YME1L1: variants seen among roughly 807,000 people sequenced by gnomAD.
The protein encoded by YME1L1 is YME1 like 1 ATPase.
In YME1L1, 39 loss-of-function variants were observed where a neutral mutation model predicts 90.4. The observed-to-expected ratio is 0.43, with a 90% CI of 0.33 to 0.56. YME1L1 has a LOEUF of 0.56. Among genes scored for constraint, YME1L1 ranks in the 20% least tolerant of loss-of-function variants. YME1L1 has a pLI of 0.03. For synonymous variants in YME1L1, 284 were observed against 287.3 expected, an observed-to-expected ratio of 0.99 and a Z score of 0.12; for missense variants, 617 against 868.4, an observed-to-expected ratio of 0.71 and a Z score of 3.64.
Position 27,111,833 on chromosome 10 carries a change from A to T in YME1L1, c.*144T>A. On this transcript the variant is annotated 3_prime_UTR_variant, in exon 19 of 19. Transcript: ENST00000376016. ...AATGAGAATAACCCAAACTGGATAA[A>T]TGTGACAAATGATTGACAAAGCATT... 9.2e-7 allele frequency: 1 copy of T among 1,092,114 alleles called. No individual in the cohort carries two copies. Among genetic ancestry groups the T allele is most frequent in the Non-Finnish European group, 1.4e-6 (1 of 720,386 alleles). 67.7% of individuals were successfully genotyped at this position (1,092,114 alleles called of 1,614,324 possible). A position where few individuals can be genotyped will look rare whatever the true frequency, so the allele number is the denominator to read the frequency against.
At position 27,111,800 on chromosome 10, in the gene YME1L1, G is replaced by C. The variant is rs2056761226; in HGVS notation, c.*177C>G. On this transcript the variant is annotated 3_prime_UTR_variant, in exon 19 of 19. Coordinates refer to ENST00000376016, the MANE Select transcript of YME1L1 (RefSeq NM_014263.4). ...TGCCATGGGATGCTAATTTGCAATA[G>C]GTGTCATAATGAGAATAACCCAAAC... The C allele has an allele frequency of 1.3e-6, 1 of 779,134 alleles. No individual in the cohort carries two copies. Among genetic ancestry groups the C allele is most frequent in the Non-Finnish European group, 2.2e-6 (1 of 453,474 alleles). 48.3% of individuals were successfully genotyped at this position (779,134 alleles called of 1,614,324 possible). A position where few individuals can be genotyped will look rare whatever the true frequency, so the allele number is the denominator to read the frequency against.
In YME1L1 at chr10:27,111,886, G is replaced by A. The variant is rs747115958; in HGVS notation, c.*91C>T. ...ACACCCTTCAATTACACCACATCAA[G>A]AATGAGGGGAAAGCGTTGTAAAAGT... On this transcript the variant is annotated 3_prime_UTR_variant, in exon 19 of 19. Coordinates refer to ENST00000376016, the MANE Select transcript of YME1L1 (RefSeq NM_014263.4). 2.7e-6 allele frequency: 4 copies of A among 1,476,564 alleles called. No individual in the cohort carries two copies. In the South Asian group the frequency reaches 4.6e-5, roughly 17 times the overall value. The allele number at this position is 1,476,564 out of a possible 1,614,324, so 91.5% of individuals were successfully genotyped here.
chr10:27,114,989 T>G (rs2056797217), intron 17 of YME1L1, among the ~76,000 whole-genome samples: 1 of 152,030 alleles, frequency 6.6e-6, no homozygotes, highest in African/African-American at 2.4e-5. Context: ...ATTGCGCCAC[T>G]GCACTCCAGC....
chr10:27,131,796 G>A (rs2056979942), intron 8 of YME1L1, 63 bp downstream of exon 8: 9 of 1,214,912 alleles, frequency 7.4e-6, no homozygotes, highest in East Asian at 4.8e-5. Flanking sequence ...ATCAAATATC[G>A]ACCTCATATA....
At chr10:27,144,653 G>C (rs923262704) in intron 3 of YME1L1, among the ~76,000 whole-genome samples, 3 of 151,960 alleles carry the variant, frequency 2.0e-5, no homozygotes, top group Non-Finnish European at 2.9e-5. Context: ...TATTCTCAAA[G>C]ATTAAGTATG....
At chr10:27,154,148 G>GA (rs750650848) in intron 1 of YME1L1, 30 bp downstream of exon 1, 14 of 1,574,746 alleles carry the variant, frequency 8.9e-6, no homozygotes, top group Admixed American at 5.5e-5. Context: ...AGGGCGGGAG[G>GA]AAAAAAAATG....
chr10:27,119,265 A>G lies in YME1L1; in HGVS notation c.1567+29T>C, dbSNP rs1564456383. 3 of 1,571,674 alleles carry G rather than the reference A, an allele frequency of 1.9e-6. No homozygotes were observed. The Admixed American group carries it at 6.1e-5, about 32-fold the overall frequency. ...AATTATCTAACACAATGAAAAGTAAAAGACAGAAAAAAAAGAAAGGAAACC... is the reference window on the plus strand; with the variant it reads ...AATTATCTAACACAATGAAAAGTAAGAGACAGAAAAAAAAGAAAGGAAACC... On this transcript the variant is annotated intron_variant, in intron 14 of 18. Transcript: ENST00000376016.
chr10:27,124,386 T>C (rs1454770427), intron 9 of YME1L1, among the ~76,000 whole-genome samples: 2 of 152,202 alleles, frequency 1.3e-5, no homozygotes, highest in Non-Finnish European at 2.9e-5. Flanking sequence ...AGGTTTTCCA[T>C]GTTTGCAAAT....
chr10:27,151,923 G>A (rs961836211), intron 1 of YME1L1, among the ~76,000 whole-genome samples: 2 of 151,374 alleles, frequency 1.3e-5, no homozygotes, highest in African/African-American at 4.8e-5. Context: ...ATGCATACCC[G>A]TGTTTGTTTA....
At chr10:27,150,105 CA>C (rs199996869) in intron 1 of YME1L1, among the ~76,000 whole-genome samples, 9 of 149,214 alleles carry the variant, frequency 6.0e-5, no homozygotes, top group African/African-American at 2.2e-4. Context: ...AAAATGAAAA[CA>C]AAAAAAACAC....
At chr10:27,147,262 G>A in intron 2 of YME1L1, 1 of 656,162 alleles carries the variant, frequency 1.5e-6, no homozygotes, top group South Asian at 2.0e-5. Context: ...GAGAGGCTGA[G>A]GTGGGAGGAC....
Position 27,154,283 on chromosome 10 carries a change from C to A in YME1L1, c.-73G>T. 1 of 1,519,414 alleles carries A rather than the reference C, an allele frequency of 6.6e-7. No homozygotes were observed. The highest frequency in any genetic ancestry group is 8.9e-7 in the Non-Finnish European group (1 of 1,126,176). The allele number at this position is 1,519,414 out of a possible 1,614,324, so 94.1% of individuals were successfully genotyped here. ...CTCTGTCCACGGCCCGGCGGGGAGG[C>A]GCTGAGCCCTTCTTTTTTCCTTTTT... On this transcript the variant is annotated 5_prime_UTR_variant, in exon 1 of 19. Coordinates refer to ENST00000376016, the MANE Select transcript of YME1L1 (RefSeq NM_014263.4).
At chr10:27,142,151 G>A (rs945405724) in intron 4 of YME1L1, among the ~76,000 whole-genome samples, 2 of 152,098 alleles carry the variant, frequency 1.3e-5, no homozygotes, top group African/African-American at 2.4e-5. Flanking sequence ...TGAAACAAGC[G>A]TAGATAAGTT....
chr10:27,141,558 C>T (rs2057086959), intron 4 of YME1L1, among the ~76,000 whole-genome samples: 1 of 151,652 alleles, frequency 6.6e-6, no homozygotes, highest in Admixed American at 6.6e-5. Flanking sequence ...CTTTCCTTGG[C>T]ATCAATGCTC....
chr10:27,112,949 C>T (rs1048565660), intron 18 of YME1L1, among the ~76,000 whole-genome samples: 7 of 152,046 alleles, frequency 4.6e-5, no homozygotes, highest in African/African-American at 1.4e-4. Context: ...TGGCTGGGTG[C>T]GGTGGCTCAC....
intron 7 of YME1L1, among the ~76,000 whole-genome samples, chr10:27,133,686 TA>T (rs368323760): frequency 2.0e-5 from 3 of 151,790 alleles, no homozygotes; most frequent in East Asian, 3.9e-4. Context: ...ATAAGCAAAC[TA>T]AAAAAAAGGG....
intron 1 of YME1L1, among the ~76,000 whole-genome samples, chr10:27,149,576 T>G (rs1025783554): frequency 6.6e-6 from 1 of 151,330 alleles, no homozygotes; most frequent in Non-Finnish European, 1.5e-5. Flanking sequence ...ATGGGTGTGA[T>G]GGTGTGCGCC....
chr10:27,133,059 A>G (rs776596455), intron 7 of YME1L1, among the ~76,000 whole-genome samples: 3 of 152,162 alleles, frequency 2.0e-5, no homozygotes, highest in Non-Finnish European at 4.4e-5. Flanking sequence ...CAATTATTCT[A>G]ATTGGTCACA....
intron 1 of YME1L1, among the ~76,000 whole-genome samples, chr10:27,150,949 G>A (rs1179573018): frequency 8.5e-6 from 1 of 118,182 alleles, no homozygotes; most frequent in African/African-American, 3.1e-5. Context: ...TTTTTGAGAT[G>A]GAATCTCGCT....
Sources: gnomAD v4.1 joint callset for allele counts (sites outside exome capture counted in the v4.1 genomes callset) on GRCh38, gnomAD v4.1.1 for gene constraint, MANE v1.5 for transcripts, NCBI Gene and HGNC (gene_info 2026-07-23, HGNC 2026-07-21) for gene names.